Variants in DOCK2 observed in about 807,000 individuals in gnomAD.
DOCK2 encodes the protein dedicator of cytokinesis protein 2.
A neutral mutation model predicts 248.9 loss-of-function variants in DOCK2; 87 were observed. The ratio of observed to expected loss-of-function variants is 0.35; its 90% confidence interval spans 0.29 to 0.42. The LOEUF (loss-of-function observed/expected upper bound fraction) is 0.42, where lower values mean the gene tolerates loss of function less well. Ranked by LOEUF, DOCK2 falls within the 10% of genes least tolerant of loss-of-function variation. The probability of loss-of-function intolerance (pLI) is 1.00; values close to 1 mark genes in which losing one functional copy is unlikely to be tolerated. For synonymous variants in DOCK2, 805 were observed against 821.6 expected, an observed-to-expected ratio of 0.98 and a Z score of 0.35; for missense variants, 1,747 against 2,300.2, an observed-to-expected ratio of 0.76 and a Z score of 4.92.
chr5:169,691,941 C>T (rs1241155244), intron 9 of DOCK2, among the ~76,000 whole-genome samples: 1 of 151,830 alleles, frequency 6.6e-6, no homozygotes, highest in African/African-American at 2.4e-5. Flanking sequence ...CTGCAACCTC[C>T]ACCTCCTGGG....
intron 27 of DOCK2, among the ~76,000 whole-genome samples, chr5:169,918,041 G>A (rs1431919083): frequency 2.6e-5 from 4 of 152,166 alleles, no homozygotes; most frequent in East Asian, 1.9e-4. Context: ...TGGGATCTGA[G>A]GATTAGCATA....
At chr5:169,701,173 C>T (rs115963117) in intron 13 of DOCK2, among the ~76,000 whole-genome samples, 3 of 152,212 alleles carry the variant, frequency 2.0e-5, no homozygotes, top group African/African-American at 7.2e-5. Flanking sequence ...ATAAAGCCAA[C>T]CTCTTCTGCT....
intron 27 of DOCK2, among the ~76,000 whole-genome samples, chr5:169,862,949 C>T (rs1010358826): frequency 9.2e-5 from 14 of 152,346 alleles, no homozygotes; most frequent in African/African-American, 2.9e-4. Context: ...GTTTCAGGCT[C>T]CCTTTCTAGC....
chr5:170,011,029 G>A (rs56174350), intron 32 of DOCK2, among the ~76,000 whole-genome samples: 5,048 of 152,222 alleles, frequency 0.033, 277 homozygotes, highest in African/African-American at 0.12. Flanking sequence ...ACAGAACATC[G>A]GAGCTGGAAG....
chr5:169,939,885 C>A (rs1442534923), intron 27 of DOCK2, among the ~76,000 whole-genome samples: 4 of 152,188 alleles, frequency 2.6e-5, no homozygotes, highest in Non-Finnish European at 5.9e-5. Context: ...TCATTAATTT[C>A]TTACCACAAG....
rs189244139 is a variant in DOCK2, at chr5:169,774,402, T to G, written c.2554+12777T>G. Among the ~76,000 whole-genome samples the G allele has an allele frequency of 2.0e-4, 30 of 152,248 alleles. 1 individual carries two copies. Among genetic ancestry groups the G allele is most frequent in the African/African-American group, 7.2e-4 (30 of 41,538 alleles). On this transcript the variant is annotated intron_variant, in intron 25 of 51. Coordinates refer to ENST00000520908, the MANE Select transcript of DOCK2 (RefSeq NM_004946.3). ...GGTATCACTATTCCTATTTAACAGG[T>G]GAGGAAACTGATAAGGAGGTTTAAA... is the stretch of plus-strand genomic sequence containing the variant.
chr5:170,072,772 G>C (rs1215447003), intron 46 of DOCK2, among the ~76,000 whole-genome samples: 1 of 152,146 alleles, frequency 6.6e-6, no homozygotes, highest in Non-Finnish European at 1.5e-5. Context: ...CATGAGCAAT[G>C]ATGTTCAGCA....
At chr5:169,906,984 C>T (rs1430467632) in intron 27 of DOCK2, among the ~76,000 whole-genome samples, 1 of 152,126 alleles carries the variant, frequency 6.6e-6, no homozygotes, top group Non-Finnish European at 1.5e-5. Flanking sequence ...AGGCACTGTC[C>T]TAGGGACTGG....
At chr5:169,882,895 T>C in intron 27 of DOCK2, 1 of 1,551,798 alleles carries the variant, frequency 6.4e-7, no homozygotes, top group Non-Finnish European at 8.7e-7. Flanking sequence ...ATTCTGGTGA[T>C]TGTTACTTGA....
At chr5:169,648,745 G>A (rs564900988) in intron 1 of DOCK2, among the ~76,000 whole-genome samples, 6 of 152,316 alleles carry the variant, frequency 3.9e-5, no homozygotes, top group East Asian at 1.9e-4. Flanking sequence ...GCAGATTCAC[G>A]ATGAAATGGG....
At chr5:169,865,363 T>C (rs973190670) in intron 27 of DOCK2, among the ~76,000 whole-genome samples, 7 of 152,070 alleles carry the variant, frequency 4.6e-5, no homozygotes, top group African/African-American at 7.2e-5. Flanking sequence ...AGGGAGTGGG[T>C]GCTGATGCTG....
At chr5:169,949,503 T>C (rs1776576326) in intron 27 of DOCK2, among the ~76,000 whole-genome samples, 1 of 151,762 alleles carries the variant, frequency 6.6e-6, no homozygotes, top group Non-Finnish European at 1.5e-5. Context: ...CTTGTAAAAG[T>C]AGCTGGAGCC....
chr5:169,751,275 G>A lies in DOCK2; in HGVS notation c.2376+3771G>A, dbSNP rs896330119. On this transcript the variant is annotated intron_variant, in intron 23 of 51. Coordinates refer to ENST00000520908, the MANE Select transcript of DOCK2 (RefSeq NM_004946.3). ...ACACAAGACTAAATAGTGTTAGGATGTTCAGTTATTCAGTTAGATCAAGAA... is the reference window on the plus strand; with the variant it reads ...ACACAAGACTAAATAGTGTTAGGATATTCAGTTATTCAGTTAGATCAAGAA... Among the ~76,000 whole-genome samples the A allele has an allele frequency of 3.3e-5, 5 of 152,262 alleles. No individual in the cohort carries two copies. In the East Asian group the frequency reaches 5.8e-4, roughly 18 times the overall value.
intron 33 of DOCK2, among the ~76,000 whole-genome samples, chr5:170,022,884 C>A (rs1370686900): frequency 6.6e-6 from 1 of 152,150 alleles, no homozygotes; most frequent in Non-Finnish European, 1.5e-5. Flanking sequence ...CATTTAGACC[C>A]CCATCCCATG....
At chr5:169,804,539 T>G in intron 26 of DOCK2, among the ~76,000 whole-genome samples, 1 of 149,522 alleles carries the variant, frequency 6.7e-6, no homozygotes. Flanking sequence ...ACAAAGGAGG[T>G]GAAGCTTCAG....
At chr5:170,042,329 C>A (rs1027019662) in intron 38 of DOCK2, among the ~76,000 whole-genome samples, 197 bp downstream of exon 38, 1 of 152,214 alleles carries the variant, frequency 6.6e-6, no homozygotes, top group Non-Finnish European at 1.5e-5. Flanking sequence ...CACCTGGACA[C>A]TGCGATGGAT....
chr5:169,781,116 C>T (rs1361477678), intron 25 of DOCK2, among the ~76,000 whole-genome samples: 4 of 152,182 alleles, frequency 2.6e-5, no homozygotes, highest in Non-Finnish European at 4.4e-5. Context: ...ACTCACACAC[C>T]TATGCTCACT....
chr5:169,639,801 G>A (rs1364059283), intron 1 of DOCK2, among the ~76,000 whole-genome samples: 2 of 152,202 alleles, frequency 1.3e-5, no homozygotes, highest in Non-Finnish European at 2.9e-5. Context: ...TAAAAATTAG[G>A]AGTTCTCTTC....
At chr5:169,918,362 A>C (rs79562839) in intron 27 of DOCK2, among the ~76,000 whole-genome samples, 2,358 of 152,300 alleles carry the variant, frequency 0.015, 34 homozygotes, top group Non-Finnish European at 0.024. Context: ...TCTAACCTAG[A>C]AAATTACTCA....
Sources: gnomAD v4.1 joint callset for allele counts (sites outside exome capture counted in the v4.1 genomes callset) on GRCh38, gnomAD v4.1.1 for gene constraint, MANE v1.5 for transcripts, NCBI Gene and HGNC (gene_info 2026-07-23, HGNC 2026-07-21) for gene names.